BIRC6: variants seen among roughly 807,000 people sequenced by gnomAD.
The protein encoded by BIRC6 is baculoviral IAP repeat containing 6.
Under a neutral mutation model 503.3 loss-of-function variants are expected in BIRC6, and 98 were observed. That is an observed-to-expected ratio of 0.19 (90% CI 0.17 to 0.23). The LOEUF (loss-of-function observed/expected upper bound fraction) is 0.23. Among genes scored for constraint, BIRC6 ranks in the 10% least tolerant of loss-of-function variants. The probability of loss-of-function intolerance (pLI) is 1.00; values close to 1 mark genes in which losing one functional copy is unlikely to be tolerated. For missense variants in BIRC6, 5,360 were observed against 5,806.0 expected (o/e 0.92, Z 2.50); for synonymous variants, 2,240 against 2,078.7 (o/e 1.08, Z -2.11).
chr2:32,499,280 C>T (rs574367298), intron 45 of BIRC6, among the ~76,000 whole-genome samples: 9 of 152,202 alleles, frequency 5.9e-5, no homozygotes, highest in African/African-American at 1.2e-4. Context: ...AAATCACTTC[C>T]GGATATACTT....
At chr2:32,542,195 C>T (rs1168953279) in intron 61 of BIRC6, among the ~76,000 whole-genome samples, 3 of 151,898 alleles carry the variant, frequency 2.0e-5, no homozygotes, top group South Asian at 2.1e-4. Context: ...CAGAAGCAGA[C>T]TCCCCCTAGT....
At chr2:32,464,858 A>T (rs766193837) in intron 25 of BIRC6, 35 bp downstream of exon 25, 1 of 1,548,398 alleles carries the variant, frequency 6.5e-7, no homozygotes, top group Non-Finnish European at 8.7e-7. Flanking sequence ...TGGCTTAGAC[A>T]TTTAAAAATA....
chr2:32,419,051 T>C (rs2042670866), intron 10 of BIRC6, among the ~76,000 whole-genome samples: 1 of 152,252 alleles, frequency 6.6e-6, no homozygotes, highest in Admixed American at 6.5e-5. Flanking sequence ...ATAGGGAATT[T>C]ATCCAGATGA....
intron 45 of BIRC6, among the ~76,000 whole-genome samples, chr2:32,498,567 T>A (rs1174407184): frequency 1.3e-5 from 2 of 152,162 alleles, no homozygotes; most frequent in Admixed American, 1.3e-4. Flanking sequence ...TTTTTTTATT[T>A]TTTATTTTTT....
intron 9 of BIRC6, among the ~76,000 whole-genome samples, chr2:32,413,479 C>G (rs1287744461): frequency 6.6e-6 from 1 of 151,978 alleles, no homozygotes; most frequent in Non-Finnish European, 1.5e-5. Context: ...CGCGCCCAGC[C>G]TCTAATTTTT....
intron 61 of BIRC6, among the ~76,000 whole-genome samples, chr2:32,538,047 T>A (rs2057376374): frequency 6.6e-6 from 1 of 152,228 alleles, no homozygotes; most frequent in Non-Finnish European, 1.5e-5. Flanking sequence ...AAGAGGATTT[T>A]AACACAATAT....
At position 32,440,750 on chromosome 2, in the gene BIRC6, AT is replaced by A. The variant is rs1022315135; in HGVS notation, c.3811-576del. Among the ~76,000 whole-genome samples the A allele has an allele frequency of 3.9e-5, 5 of 129,708 alleles. No individual in the cohort carries two copies. In the East Asian group the frequency reaches 7.8e-4, roughly 20 times the overall value. 85.1% of individuals were successfully genotyped at this position (129,708 alleles called of 152,430 possible). ...TTATTTTATTTTATTGTGTTTATTT[AT>A]TTATTATTATTATTATTATTATTAT... On this transcript the variant is annotated intron_variant, in intron 16 of 73. Coordinates refer to ENST00000421745, the MANE Select transcript of BIRC6 (RefSeq NM_016252.4).
At chr2:32,616,798 G>A (rs1394811704) in intron 73 of BIRC6, among the ~76,000 whole-genome samples, 3 of 152,028 alleles carry the variant, frequency 2.0e-5, no homozygotes, top group Non-Finnish European at 4.4e-5. Context: ...AAGGGATTAC[G>A]GTGTTTAATT....
intron 21 of BIRC6, among the ~76,000 whole-genome samples, chr2:32,448,508 A>G (rs929485207): frequency 1.7e-4 from 26 of 152,308 alleles, no homozygotes; most frequent in African/African-American, 5.8e-4. Context: ...AAAACCAGTC[A>G]GGCGTGGCGA....
At chr2:32,470,125 A>G (rs1348384979) in intron 30 of BIRC6, 43 bp from the exon 31 acceptor site, 4 of 1,372,638 alleles carry the variant, frequency 2.9e-6, no homozygotes, top group Non-Finnish European at 3.8e-6. Flanking sequence ...TGAACAATCG[A>G]ATTGATTCTT....
intron 59 of BIRC6, among the ~76,000 whole-genome samples, 151 bp downstream of exon 59, chr2:32,525,779 A>C (rs1207369761): frequency 1.3e-5 from 2 of 152,230 alleles, no homozygotes; most frequent in African/African-American, 4.8e-5. Context: ...TCCTCCGAAG[A>C]GAAGTGAGAG....
chr2:32,425,120 TGTA>T (rs2043344366), intron 10 of BIRC6, among the ~76,000 whole-genome samples: 2 of 151,980 alleles, frequency 1.3e-5, no homozygotes, highest in African/African-American at 2.4e-5. Flanking sequence ...TTGATTGAGT[TGTA>T]GGAACATTTT....
At chr2:32,410,952 G>A (rs185281080) in intron 9 of BIRC6, among the ~76,000 whole-genome samples, 13 of 152,074 alleles carry the variant, frequency 8.5e-5, no homozygotes, top group African/African-American at 3.1e-4. Context: ...CACCCTCCTC[G>A]GCCTCCCAAA....
At position 32,510,594 on chromosome 2, in the gene BIRC6, T is replaced by C. The variant is rs2054289020; in HGVS notation, c.10306T>C (p.Tyr3436His). 1 of 1,609,918 alleles carries C rather than the reference T, an allele frequency of 6.2e-7. No individual in the cohort carries two copies. Among genetic ancestry groups the C allele is most frequent in the Non-Finnish European group, 8.5e-7 (1 of 1,176,314 alleles). Residue 3436 changes from tyrosine to histidine, a missense_variant, in exon 53 of 74, where the codon TAC becomes CAC. Physicochemically the swap from Tyr to His is moderately conservative, Grantham distance 83 (BLOSUM62 2). Transcript: ENST00000421745. ...TTCTGACTCTACGATAGATATTCTT[T>C]ACCAGCTTGGAACAACTCAGGATCC... ...LSSDSTIDIL[Y>H]QLGTTQDPGT...
chr2:32,533,623 A>G (rs972039504), intron 61 of BIRC6, among the ~76,000 whole-genome samples: 2 of 152,228 alleles, frequency 1.3e-5, no homozygotes, highest in Admixed American at 6.5e-5. Flanking sequence ...ATTCAGTCAC[A>G]TAGAGGGCTC....
At chr2:32,525,042 T>A in intron 58 of BIRC6, 23 bp downstream of exon 58, 2 of 1,468,886 alleles carry the variant, frequency 1.4e-6, no homozygotes, top group Non-Finnish European at 1.8e-6. Flanking sequence ...TTTTTTATAA[T>A]CTTGATTTTG....
intron 65 of BIRC6, chr2:32,557,718 G>T (rs1220958683): frequency 6.6e-6 from 1 of 152,164 alleles, no homozygotes; most frequent in Non-Finnish European, 1.5e-5. Flanking sequence ...GTGTGGTATG[G>T]ATGTAGACCA....
intron 49 of BIRC6, among the ~76,000 whole-genome samples, chr2:32,504,238 G>T (rs1039822613): frequency 1.3e-5 from 2 of 151,530 alleles, no homozygotes; most frequent in Non-Finnish European, 2.9e-5. Flanking sequence ...TTGAATTTAG[G>T]TATTTACTTT....
intron 9 of BIRC6, among the ~76,000 whole-genome samples, chr2:32,412,458 T>C (rs889908606): frequency 5.3e-5 from 8 of 151,760 alleles, no homozygotes; most frequent in Non-Finnish European, 1.0e-4. Flanking sequence ...GATTATGCCA[T>C]TGCACTCCCG....
Sources: allele counts gnomAD v4.1 joint callset (sites outside exome capture counted in the v4.1 genomes callset), GRCh38; gene constraint gnomAD v4.1.1; transcripts MANE v1.5; gene names NCBI Gene and HGNC (gene_info 2026-07-23, HGNC 2026-07-21).